Variants in PTPN1 observed in about 807,000 individuals in gnomAD.
PTPN1 encodes the protein protein tyrosine phosphatase non-receptor type 1.
Under a neutral mutation model 59.9 loss-of-function variants are expected in PTPN1, and 12 were observed. That is an observed-to-expected ratio of 0.20 (90% CI 0.13 to 0.32). The LOEUF (loss-of-function observed/expected upper bound fraction) is 0.32. PTPN1 is among the 10% of genes least tolerant of loss of function. PTPN1 has a pLI of 1.00. For synonymous variants in PTPN1, 178 were observed against 203.6 expected, an observed-to-expected ratio of 0.87 and a Z score of 1.07; for missense variants, 356 against 549.2, an observed-to-expected ratio of 0.65 and a Z score of 3.52.
At chr20:50,545,836 C>T (rs796334962) in intron 1 of PTPN1, among the ~76,000 whole-genome samples, 4 of 151,804 alleles carry the variant, frequency 2.6e-5, no homozygotes, top group East Asian at 1.9e-4. Context: ...GGCAGCATAG[C>T]GAGACCCCCC....
intron 8 of PTPN1, among the ~76,000 whole-genome samples, chr20:50,580,522 G>A (rs778486745): frequency 6.6e-6 from 1 of 152,166 alleles, no homozygotes; most frequent in Non-Finnish European, 1.5e-5. Flanking sequence ...TGTGATAGAG[G>A]TGTCCGCTGA....
At chr20:50,561,528 C>T (rs2082752416) in intron 2 of PTPN1, 75 bp downstream of exon 2, 1 of 916,460 alleles carries the variant, frequency 1.1e-6, no homozygotes, top group Non-Finnish European at 1.7e-6. Context: ...CTCCTTTCGC[C>T]TCAGGGTTTA....
intron 1 of PTPN1, among the ~76,000 whole-genome samples, chr20:50,540,124 C>T (rs1022414711): frequency 6.6e-6 from 1 of 152,102 alleles, no homozygotes; most frequent in Non-Finnish European, 1.5e-5. Context: ...GGCGTGATCT[C>T]GGCTCACTGC....
Position 50,574,510 on chromosome 20 carries a change from T to C in PTPN1, c.355-7T>C, listed in dbSNP as rs192756235. 2.5e-5 allele frequency: 40 copies of C among 1,581,062 alleles called. 1 individual carries two copies. In the African/African-American group the frequency reaches 5.4e-4, roughly 21 times the overall value. The stretch of plus-strand genomic sequence containing the variant: ...TCACAATAATTCACTATTATTTGTT[T>C]CCCCAGTTAAAATGCGCACAATACT... On this transcript the variant is annotated splice_region_variant and splice_polypyrimidine_tract_variant and intron_variant, in intron 4 of 9. Coordinates refer to ENST00000371621, the MANE Select transcript of PTPN1 (RefSeq NM_002827.4).
chr20:50,578,457 C>A lies in PTPN1; in HGVS notation c.530C>A (p.Thr177Asn). 20 of 1,614,208 alleles carry A rather than the reference C, an allele frequency of 1.2e-5. No homozygotes were observed. Among genetic ancestry groups the A allele is most frequent in the Non-Finnish European group, 1.7e-5 (20 of 1,180,006 alleles). ...ETREILHFHYTTWPDFGVPES... is the reference protein window; with the variant it reads ...ETREILHFHYNTWPDFGVPES... ...CGAGAGATCTTACATTTCCACTATA[C>A]CACATGGCCTGACTTTGGAGTCCCT... Residue 177 changes from threonine to asparagine, a missense_variant, in exon 6 of 10, where the codon ACC (threonine) becomes AAC (asparagine). Around this residue, in one of 3 missense-constraint regions of PTPN1, gnomAD observed 194 missense variants for 344.2 expected, o/e 0.56. Transcript: ENST00000371621.
At chr20:50,571,237 T>TG (rs949596984) in intron 4 of PTPN1, 2 of 152,268 alleles carry the variant, frequency 1.3e-5, no homozygotes, top group African/African-American at 4.8e-5. Flanking sequence ...TGGGTTACTG[T>TG]GGTGGCATCG....
Position 50,578,574 on chromosome 20 carries a change from G to C in PTPN1, c.647G>C (p.Ser216Thr). 6.2e-7 allele frequency: 1 copy of C among 1,614,226 alleles called. No individual in the cohort carries two copies. Among genetic ancestry groups the C allele is most frequent in the Non-Finnish European group, 8.5e-7 (1 of 1,180,046 alleles). ...PEHGPVVVHC[S>T]AGIGRSGTFC... The stretch of plus-strand genomic sequence containing the variant: ...CACGGGCCCGTTGTGGTGCACTGCA[G>C]TGCAGGCATCGGCAGGTCTGGAACC... The change falls in exon 6 of 10, where the codon AGT becomes ACT. Residue 216 changes from serine to threonine, a missense_variant. Transcript: ENST00000371621.
At chr20:50,525,901 T>A (rs545087009) in intron 1 of PTPN1, among the ~76,000 whole-genome samples, 2 of 152,230 alleles carry the variant, frequency 1.3e-5, no homozygotes, top group South Asian at 2.1e-4. Flanking sequence ...GTAGCCGTTA[T>A]ATGGCCACTG....
At chr20:50,565,770 A>G (rs905772058) in intron 3 of PTPN1, among the ~76,000 whole-genome samples, 3 of 152,032 alleles carry the variant, frequency 2.0e-5, no homozygotes, top group Non-Finnish European at 2.9e-5. Flanking sequence ...TTTGTTTTTC[A>G]TCATAATTTT....
intron 1 of PTPN1, among the ~76,000 whole-genome samples, chr20:50,530,923 A>G (rs893310366): frequency 1.3e-5 from 2 of 152,026 alleles, no homozygotes; most frequent in Non-Finnish European, 2.9e-5. Context: ...AGGCTAGTCT[A>G]CAACTCTTGG....
chr20:50,560,205 G>A (rs1055976463), intron 1 of PTPN1, among the ~76,000 whole-genome samples: 2 of 152,010 alleles, frequency 1.3e-5, no homozygotes, highest in Admixed American at 6.6e-5. Flanking sequence ...GTGTATGGCC[G>A]CTTACCCCAT....
At chr20:50,527,723 T>A (rs1373627664) in intron 1 of PTPN1, among the ~76,000 whole-genome samples, 2 of 152,214 alleles carry the variant, frequency 1.3e-5, no homozygotes, top group Non-Finnish European at 2.9e-5. Flanking sequence ...GCATCCTAAT[T>A]TTAATGCAGT....
rs539508294 is a variant in PTPN1 at position 50,576,768 on chromosome 20, C to G, written c.493-1652C>G. On this transcript the variant is annotated intron_variant, in intron 5 of 9. Coordinates refer to ENST00000371621, the MANE Select transcript of PTPN1 (RefSeq NM_002827.4). ...GCGGGCACCTGTAATCCCAGCTACT[C>G]GGGAGGCTGAGGCAGAGAATTGCTT... Among the ~76,000 whole-genome samples, 39 of 151,784 alleles carry G rather than the reference C, an allele frequency of 2.6e-4. No individual in the cohort carries two copies. In the East Asian group the frequency reaches 7.4e-3, roughly 29 times the overall value.
intron 1 of PTPN1, among the ~76,000 whole-genome samples, chr20:50,546,210 T>C (rs1337737716): frequency 6.6e-6 from 1 of 152,152 alleles, no homozygotes; most frequent in African/African-American, 2.4e-5. Context: ...GGGCAGGTCT[T>C]TTGTCTTTCT....
In PTPN1 at chr20:50,568,546, C is replaced by T; in HGVS notation, c.354+68C>T. The stretch of plus-strand genomic sequence containing the variant: ...CACTCCATATAGTTACCATTTTCGT[C>T]CAGATTTTTAAATTATTTTTCTTGC... On this transcript the variant is annotated intron_variant, in intron 4 of 9. Coordinates refer to ENST00000371621, the MANE Select transcript of PTPN1 (RefSeq NM_002827.4). This position sits in a 1 kb window ranked among gnomAD's most constrained non-coding sequence, Gnocchi z 5.6. 6 of 1,284,340 alleles carry T rather than the reference C, an allele frequency of 4.7e-6. No individual in the cohort carries two copies. Among genetic ancestry groups the T allele is most frequent in the Non-Finnish European group, 5.6e-6 (5 of 890,704 alleles). The allele number at this position is 1,284,340 out of a possible 1,614,324, so 79.6% of individuals were successfully genotyped here.
chr20:50,561,921 G>A (rs936313936), intron 2 of PTPN1, among the ~76,000 whole-genome samples: 10 of 152,012 alleles, frequency 6.6e-5, no homozygotes, highest in Admixed American at 1.3e-4. Context: ...CTCCACCCCC[G>A]CCAACCTCAT....
At chr20:50,529,540 A>G (rs774450808) in intron 1 of PTPN1, among the ~76,000 whole-genome samples, 37 of 152,240 alleles carry the variant, frequency 2.4e-4, no homozygotes, top group Non-Finnish European at 4.0e-4. Flanking sequence ...CAGAAAGTTT[A>G]TAGCAAAAGT....
At chr20:50,581,694 C>T (rs113875694) in intron 9 of PTPN1, among the ~76,000 whole-genome samples, 243 of 151,808 alleles carry the variant, frequency 1.6e-3, no homozygotes, top group Non-Finnish European at 2.7e-3. Context: ...AATCTCAGGG[C>T]CTTAACCTAT....
intron 8 of PTPN1, 76 bp from the exon 9 acceptor site, chr20:50,581,189 C>T (rs1230466287): frequency 1.1e-5 from 17 of 1,504,218 alleles, no homozygotes; most frequent in Admixed American, 2.1e-5. Flanking sequence ...TCCTAGAATT[C>T]CTGCCACAAT....
Sources: allele counts gnomAD v4.1 joint callset (sites outside exome capture counted in the v4.1 genomes callset), GRCh38; gene constraint gnomAD v4.1.1; regional missense constraint gnomAD v4.1.1; non-coding constraint Gnocchi (gnomAD v3.1); transcripts MANE v1.5; gene names NCBI Gene and HGNC (gene_info 2026-07-23, HGNC 2026-07-21).